Variants in AHR observed in about 807,000 individuals in gnomAD.
The protein encoded by AHR is aryl hydrocarbon receptor.
In AHR, 40 loss-of-function variants were observed where a neutral mutation model predicts 86.8. The ratio of observed to expected loss-of-function variants is 0.46; its 90% CI spans 0.36 to 0.60. The LOEUF (loss-of-function observed/expected upper bound fraction) is 0.60. Among genes scored for constraint, AHR ranks in the 20% least tolerant of loss-of-function variants. The pLI is 0.00. For missense variants in AHR, 1,001 were observed against 1,011.6 expected (o/e 0.99, Z 0.14); for synonymous variants, 398 against 354.9 (o/e 1.12, Z -1.37).
At position 17,345,935 on chromosome 7, in the gene AHR, T is replaced by C. The variant is rs887847764; in HGVS notation, c.*2871T>C. The C allele has an allele frequency of 2.0e-5, 3 of 152,714 alleles. No individual in the cohort carries two copies. Among genetic ancestry groups the C allele is most frequent in the Non-Finnish European group, 4.4e-5 (3 of 68,004 alleles). 9.5% of individuals were successfully genotyped at this position (152,714 alleles called of 1,614,324 possible). ...CTTACAATACCTGAAGACTTACCAG[T>C]ATTCTAGTGTATTATGAAGCTTTCA... On this transcript the variant is annotated 3_prime_UTR_variant, in exon 11 of 11. Transcript: ENST00000242057.
At chr7:17,342,394 G>T (rs1782435740) in intron 10 of AHR, among the ~76,000 whole-genome samples, 1 of 152,060 alleles carries the variant, frequency 6.6e-6, no homozygotes, top group African/African-American at 2.4e-5. Flanking sequence ...AGTATATTAT[G>T]AATAAGAAAT....
intron 2 of AHR, among the ~76,000 whole-genome samples, chr7:17,319,450 C>T (rs951839471): frequency 4.6e-5 from 7 of 152,124 alleles, no homozygotes; most frequent in African/African-American, 9.7e-5. Context: ...CCACTTAAAT[C>T]TCTATGACTC....
Position 17,335,633 on chromosome 7 carries a change from A to G in AHR, c.1019-12A>G. On this transcript the variant is annotated splice_polypyrimidine_tract_variant and intron_variant, in intron 8 of 10. Transcript: ENST00000242057. ...GGGGGTTTGATAATTTAATTTTTTA[A>G]TTTTATTTTAGTGATTAAGACTGGA... is the stretch of plus-strand genomic sequence containing the variant. 2 of 1,534,782 alleles carry G rather than the reference A, an allele frequency of 1.3e-6. No individual in the cohort carries two copies. Among genetic ancestry groups the G allele is most frequent in the Non-Finnish European group, 1.8e-6 (2 of 1,140,978 alleles).
rs1258466475 is a variant in AHR at position 17,334,905 on chromosome 7, A to G, written c.927A>G (p.Gly309=). The G allele has an allele frequency of 3.1e-6, 5 of 1,610,984 alleles. No individual in the cohort carries two copies. The highest frequency in any genetic ancestry group is 4.2e-6 in the Non-Finnish European group (5 of 1,178,296). The part of the protein sequence containing the change: ...GCDAKGRIVL[G]YTEAELCTRG... ...TAAACAGAGGAAGAATTGTTTTAGG[A>G]TATACTGAAGCAGAGCTGTGCACGA... is the stretch of plus-strand genomic sequence containing the variant. The change falls in exon 8 of 11, where the codon GGA becomes GGG. Residue 309 remains glycine, a synonymous_variant. Coordinates refer to ENST00000242057, the MANE Select transcript of AHR (RefSeq NM_001621.5).
intron 3 of AHR, among the ~76,000 whole-genome samples, chr7:17,324,841 C>T (rs975664999): frequency 6.6e-6 from 1 of 151,846 alleles, no homozygotes; most frequent in Non-Finnish European, 1.5e-5. Flanking sequence ...AGACATCTTT[C>T]TAGGTTAGCT....
At position 17,329,623 on chromosome 7, in the gene AHR, T is replaced by A. The variant is rs565168501; in HGVS notation, c.451-329T>A. Among the ~76,000 whole-genome samples, 10 of 152,042 alleles carry A rather than the reference T, an allele frequency of 6.6e-5. No individual in the cohort carries two copies. In the South Asian group the frequency reaches 1.7e-3, roughly 25 times the overall value. On this transcript the variant is annotated intron_variant, in intron 4 of 10. Transcript: ENST00000242057. Reference sequence around the variant, plus strand: ...GTTAGGAAAAGCTGCATGGAAGAGATAAGAATCTAAAAACTAACAAATGAA... The same window carrying A: ...GTTAGGAAAAGCTGCATGGAAGAGAAAAGAATCTAAAAACTAACAAATGAA...
chr7:17,299,000 C>T lies in AHR; in HGVS notation c.-265C>T. 1 of 463,978 alleles carries T rather than the reference C, an allele frequency of 2.2e-6. No individual in the cohort carries two copies. The highest frequency in any genetic ancestry group is 3.7e-6 in the Non-Finnish European group (1 of 267,902). The allele number at this position is 463,978 out of a possible 1,614,324, so 28.7% of individuals were successfully genotyped here. A position where few individuals can be genotyped will look rare whatever the true frequency, so the allele number is the denominator to read the frequency against. ...GCCGGTGTAGACGGCACCTGCGCCG[C>T]CTTGCTCGCGGGTCTCCGCCCCTCG... is the stretch of plus-strand genomic sequence containing the variant. On this transcript the variant is annotated 5_prime_UTR_variant, in exon 1 of 11. Coordinates refer to ENST00000242057, the MANE Select transcript of AHR (RefSeq NM_001621.5).
At chr7:17,330,117 AAT>A in intron 5 of AHR, 42 bp downstream of exon 5, 1 of 1,584,328 alleles carries the variant, frequency 6.3e-7, no homozygotes, top group Non-Finnish European at 8.6e-7. Context: ...GTAGTTTTTA[AAT>A]ATGAGTCTGT....
chr7:17,330,144 A>T (rs1782271947), intron 5 of AHR, 69 bp downstream of exon 5: 3 of 1,472,674 alleles, frequency 2.0e-6, no homozygotes, highest in Non-Finnish European at 2.8e-6. Context: ...GGAGGCTGGG[A>T]ACCTGTAGGG....
At position 17,339,498 on chromosome 7, in the gene AHR, A is replaced by C. The variant is rs909119510; in HGVS notation, c.1673A>C (p.Asn558Thr). The part of the protein sequence containing the change: ...IDFEDIRHMQ[N>T]EKFFRNDFSG... ...TTTGAAGACATCAGACACATGCAGA[A>C]TGAAAAATTTTTCAGAAATGATTTT... Residue 558 changes from asparagine (N) to threonine (T), a missense_variant, in exon 10 of 11, where the codon AAT becomes ACT. Physicochemically the swap from Asn to Thr is moderately conservative, Grantham distance 65 (BLOSUM62 0). Transcript: ENST00000242057. 2.5e-6 allele frequency: 4 copies of C among 1,613,988 alleles called. No individual in the cohort carries two copies. The highest frequency in any genetic ancestry group is 8.5e-7 in the Non-Finnish European group (1 of 1,180,012).
chr7:17,338,919 T>A (rs1782385066), intron 9 of AHR, 67 bp from the exon 10 acceptor site: 11 of 1,405,704 alleles, frequency 7.8e-6, no homozygotes, highest in South Asian at 4.7e-5. Context: ...TTTTCTTTTT[T>A]AAATTATTTT....
Position 17,338,984 on chromosome 7 carries a change from A to G in AHR, c.1161-2A>G. ...CTAAGACTTTTTTGTACACAATTTT[A>G]GAGATGAGGAAGGAACAGAGCATTT... On this transcript the variant is annotated splice_acceptor_variant, in intron 9 of 10. Transcript: ENST00000242057. LOFTEE classifies it high-confidence loss of function. 1.3e-6 allele frequency: 2 copies of G among 1,579,820 alleles called. No homozygotes were observed. The highest frequency in any genetic ancestry group is 1.2e-5 in the South Asian group (1 of 84,428).
At chr7:17,332,649 T>G (rs918952976) in intron 6 of AHR, among the ~76,000 whole-genome samples, 11 of 152,018 alleles carry the variant, frequency 7.2e-5, no homozygotes, top group Admixed American at 6.6e-5. Context: ...GGCTGTACAC[T>G]GTGTTTAAGT....
At chr7:17,306,884 C>T (rs1008275321) in intron 1 of AHR, among the ~76,000 whole-genome samples, 1 of 152,062 alleles carries the variant, frequency 6.6e-6, no homozygotes, top group Non-Finnish European at 1.5e-5. Context: ...CACTTTTGGT[C>T]AGCAAACATT....
intron 3 of AHR, among the ~76,000 whole-genome samples, chr7:17,323,906 C>T (rs1782199303): frequency 6.6e-6 from 1 of 152,184 alleles, no homozygotes; most frequent in Non-Finnish European, 1.5e-5. Context: ...TGATTAAACA[C>T]ACCTCTTGGG....
rs1782402908 is a variant in AHR at position 17,340,073 on chromosome 7, CATGGAT to C, written c.2249_2254del (p.His750_Gly751del). ...TTTACAACTTCCTGAAAACCAAAAG[CATGGAT>C]TAAATCCACAGTCAGCCATAATAAC... On this transcript the variant is annotated inframe_deletion, in exon 10 of 11. Transcript: ENST00000242057. The C allele has an allele frequency of 6.2e-7, 1 of 1,614,054 alleles. No homozygotes were observed. The highest frequency in any genetic ancestry group is 1.7e-5 in the Admixed American group (1 of 60,002).
chr7:17,325,828 G>A (rs1782223163), intron 3 of AHR, among the ~76,000 whole-genome samples: 1 of 152,186 alleles, frequency 6.6e-6, no homozygotes, highest in Non-Finnish European at 1.5e-5. Context: ...AGAGGATCAG[G>A]AAAAATAACT....
At chr7:17,319,125 A>G (rs1219501001) in intron 2 of AHR, among the ~76,000 whole-genome samples, 2 of 152,066 alleles carry the variant, frequency 1.3e-5, no homozygotes, top group Non-Finnish European at 2.9e-5. Context: ...ACTGCTTTCC[A>G]CTTAAAGATG....
In AHR at chr7:17,343,087, G is replaced by C. The variant is rs566368932; in HGVS notation, c.*23G>C. 3 of 1,611,916 alleles carry C rather than the reference G, an allele frequency of 1.9e-6. No individual in the cohort carries two copies. The South Asian group carries it at 3.3e-5, about 18-fold the overall frequency. On this transcript the variant is annotated 3_prime_UTR_variant, in exon 11 of 11. Transcript: ENST00000242057. ...TAATTCCAAGCCCAATTTTGACCCTGGTTTTTGGATTAAATTAGTTTGTGA... is the reference window on the plus strand; with the variant it reads ...TAATTCCAAGCCCAATTTTGACCCTCGTTTTTGGATTAAATTAGTTTGTGA...
Sources: allele counts gnomAD v4.1 joint callset (sites outside exome capture counted in the v4.1 genomes callset), GRCh38; gene constraint gnomAD v4.1.1; transcripts MANE v1.5; gene names NCBI Gene and HGNC (gene_info 2026-07-23, HGNC 2026-07-21).